The following EIF3L variants were observed in gnomAD, a reference collection of about 807,000 sequenced individuals.
EIF3L encodes eIEF associated protein HSPC021.
A neutral mutation model predicts 74.6 loss-of-function variants in EIF3L; 32 were observed. The observed-to-expected ratio is 0.43, with a 90% CI of 0.32 to 0.58. The LOEUF (loss-of-function observed/expected upper bound fraction) is 0.58, where lower values mean the gene tolerates loss of function less well. EIF3L is among the 20% of genes least tolerant of loss of function. The pLI is 0.06. For synonymous variants in EIF3L, 256 were observed against 254.4 expected (o/e 1.01, Z -0.06); for missense variants, 474 against 707.8 (o/e 0.67, Z 3.75).
chr22:37,850,142 C>A, intron 2 of EIF3L, 79 bp downstream of exon 2: 1 of 1,538,430 alleles, frequency 6.5e-7, no homozygotes, highest in Non-Finnish European at 9.0e-7. Context: ...CTCTGACAGG[C>A]ATCAAAAATT....
chr22:37,872,785 A>AT (rs951478746), intron 8 of EIF3L, among the ~76,000 whole-genome samples: 15 of 148,086 alleles, frequency 1.0e-4, no homozygotes, highest in Non-Finnish European at 1.2e-4. Flanking sequence ...TACCTGGCTG[A>AT]TTTTTTTTTC....
At chr22:37,871,161 G>A (rs1387391442) in intron 8 of EIF3L, 2 of 151,938 alleles carry the variant, frequency 1.3e-5, no homozygotes, top group Admixed American at 6.6e-5. Context: ...GGCTTCACAC[G>A]GTTATAGGAA....
rs1926404695 is a variant in EIF3L, at chr22:37,870,356, A to G, written c.751+9A>G. On this transcript the variant is annotated intron_variant, in intron 8 of 12. Coordinates refer to ENST00000652021, the MANE Select transcript of EIF3L (RefSeq NM_016091.4). ...GGTATACACAAGCGGAGGTGAGTGC[A>G]GCAGGCCGACAGCCGTGGCCTGCGA... The G allele has an allele frequency of 6.3e-7, 1 of 1,592,416 alleles. No homozygotes were observed. Among genetic ancestry groups the G allele is most frequent in the Admixed American group, 1.8e-5 (1 of 56,892 alleles).
intron 7 of EIF3L, among the ~76,000 whole-genome samples, chr22:37,869,753 A>G (rs913849308): frequency 6.6e-6 from 1 of 152,092 alleles, no homozygotes; most frequent in African/African-American, 2.4e-5. Flanking sequence ...GCAGATACCT[A>G]TTACCACATC....
intron 8 of EIF3L, among the ~76,000 whole-genome samples, chr22:37,873,107 G>C (rs559965636): frequency 7.7e-4 from 117 of 151,688 alleles, no homozygotes; most frequent in African/African-American, 2.8e-3. Context: ...TCCTGCCTCA[G>C]CCTCCCCAAT....
chr22:37,851,517 C>A (rs772452390), intron 3 of EIF3L, 27 bp downstream of exon 3: 2 of 1,467,614 alleles, frequency 1.4e-6, no homozygotes, highest in East Asian at 2.9e-5. Flanking sequence ...GAAAGGGCCT[C>A]TTTCTGGGTG....
rs1212999858 is a variant in EIF3L, at chr22:37,863,267, C to T, written c.506-5C>T. ...AATCTGACTTTTCTGTGATCTCCTG[C>T]ACAGATGCCGATGGTCCTGCTCCCC... On this transcript the variant is annotated splice_region_variant and splice_polypyrimidine_tract_variant and intron_variant, in intron 6 of 12. Transcript: ENST00000652021. The T allele has an allele frequency of 6.2e-7, 1 of 1,612,212 alleles. No individual in the cohort carries two copies. The highest frequency in any genetic ancestry group is 8.5e-7 in the Non-Finnish European group (1 of 1,178,894).
intron 8 of EIF3L, among the ~76,000 whole-genome samples, chr22:37,873,486 A>G (rs537181932): frequency 6.6e-6 from 1 of 151,526 alleles, no homozygotes; most frequent in East Asian, 1.9e-4. Context: ...TTTAGTAGAG[A>G]CGGGGTTTCA....
At chr22:37,849,663 T>C (rs1330223764) in intron 1 of EIF3L, 181 bp downstream of exon 1, 2 of 673,556 alleles carry the variant, frequency 3.0e-6, no homozygotes, top group Non-Finnish European at 5.1e-6. Context: ...GCCCGCCCAC[T>C]TCGCGTGTTC....
intron 7 of EIF3L, among the ~76,000 whole-genome samples, chr22:37,865,867 T>C (rs1926122693): frequency 6.6e-6 from 1 of 152,190 alleles, no homozygotes; most frequent in African/African-American, 2.4e-5. Flanking sequence ...TCTTTATCCC[T>C]CTTAAGATAA....
intron 4 of EIF3L, among the ~76,000 whole-genome samples, chr22:37,855,936 C>G (rs1442963993): frequency 6.6e-6 from 1 of 152,128 alleles, no homozygotes; most frequent in Non-Finnish European, 1.5e-5. Context: ...AGCTTCCCAC[C>G]TTTGACTTTC....
chr22:37,886,567 CAA>C (rs1010230016), intron 11 of EIF3L, 196 bp from the exon 12 acceptor site: 132 of 307,112 alleles, frequency 4.3e-4, no homozygotes, highest in East Asian at 7.7e-4. Flanking sequence ...AACTCCATCT[CAA>C]AAAAAAAAAG....
chr22:37,875,020 G>A (rs1009853501), intron 9 of EIF3L, among the ~76,000 whole-genome samples: 12 of 150,142 alleles, frequency 8.0e-5, no homozygotes, highest in African/African-American at 2.7e-4. Context: ...TGGGATTACA[G>A]GCGTGAGCCA....
chr22:37,870,045 TGAG>T (rs1926388685), intron 7 of EIF3L, 128 bp from the exon 8 acceptor site: 1 of 674,936 alleles, frequency 1.5e-6, no homozygotes, highest in South Asian at 2.2e-5. Context: ...TGGTTTAGAA[TGAG>T]AAGTGGTCAT....
In EIF3L at chr22:37,858,442, A is replaced by C. The variant is rs759385622; in HGVS notation, c.374-237A>C. The C allele has an allele frequency of 9.9e-6, 5 of 502,716 alleles. 1 individual carries two copies. The highest frequency in any genetic ancestry group is 5.1e-5 in the South Asian group (2 of 39,198). 31.1% of individuals were successfully genotyped at this position (502,716 alleles called of 1,614,324 possible). A position where few individuals can be genotyped will look rare whatever the true frequency, so the allele number is the denominator to read the frequency against. On this transcript the variant is annotated intron_variant, in intron 4 of 12. Coordinates refer to ENST00000652021, the MANE Select transcript of EIF3L (RefSeq NM_016091.4). ...TGCACTTGGATGGCAGAAGTCTCTA[A>C]ATGGTGAAAGGAAATAGATCTGAAT...
rs1265921611 is a variant in EIF3L, at chr22:37,863,260, TCTC to T, written c.506-9_506-7del. 2 of 1,605,964 alleles carry T rather than the reference TCTC, an allele frequency of 1.2e-6. No homozygotes were observed. Among genetic ancestry groups the T allele is most frequent in the East Asian group, 2.2e-5 (1 of 44,840 alleles). ...TGCTTTGAATCTGACTTTTCTGTGA[TCTC>T]CTGCACAGATGCCGATGGTCCTGCT... On this transcript the variant is annotated splice_polypyrimidine_tract_variant and intron_variant, in intron 6 of 12. Transcript: ENST00000652021.
At chr22:37,850,158 T>G in intron 2 of EIF3L, 95 bp downstream of exon 2, 1 of 1,427,160 alleles carries the variant, frequency 7.0e-7, no homozygotes, top group Non-Finnish European at 9.9e-7. Context: ...AAATTGCTCT[T>G]TGATGGTCCA....
At chr22:37,852,216 T>C (rs78592797) in intron 3 of EIF3L, among the ~76,000 whole-genome samples, 1,531 of 152,312 alleles carry the variant, frequency 0.01, 31 homozygotes, top group African/African-American at 0.035. Flanking sequence ...GATCCATCAA[T>C]GTTCAGTGTG....
chr22:37,885,489 A>G (rs1927271945), intron 11 of EIF3L: 1 of 152,068 alleles, frequency 6.6e-6, no homozygotes, highest in Non-Finnish European at 1.5e-5. Context: ...AACTTGAAAG[A>G]AATCCTATCA....
Sources: gnomAD v4.1 joint callset for allele counts (sites outside exome capture counted in the v4.1 genomes callset) on GRCh38, gnomAD v4.1.1 for gene constraint, MANE v1.5 for transcripts, NCBI Gene and HGNC (gene_info 2026-07-23, HGNC 2026-07-21) for gene names.